STAC: variants seen among roughly 807,000 people sequenced by gnomAD.
STAC encodes the protein SH3 and cysteine rich domain, also known as SH3 and cysteine-rich domain-containing protein.
A neutral mutation model predicts 48.8 loss-of-function variants in STAC; 43 were observed. That is an observed-to-expected ratio of 0.88 (90% CI 0.69 to 1.14). The LOEUF (loss-of-function observed/expected upper bound fraction) is 1.14. Ranked by LOEUF, STAC falls within the 50% of genes most tolerant of loss-of-function variation. The pLI is 0.00. For synonymous variants in STAC, 193 were observed against 179.5 expected (o/e 1.07, Z -0.60); for missense variants, 497 against 504.0 (o/e 0.99, Z 0.13).
At chr3:36,460,829 C>T (rs1469520131) in intron 2 of STAC, among the ~76,000 whole-genome samples, 1 of 152,168 alleles carries the variant, frequency 6.6e-6, no homozygotes, top group Non-Finnish European at 1.5e-5. Context: ...TCAAAATTTT[C>T]AAATGTCTTT....
intron 8 of STAC, among the ~76,000 whole-genome samples, chr3:36,518,494 T>C (rs1698727239): frequency 6.6e-6 from 1 of 152,186 alleles, no homozygotes; most frequent in Non-Finnish European, 1.5e-5. Context: ...TATTAAATCC[T>C]AAAATAAATA....
chr3:36,421,376 T>C (rs1700444581), intron 1 of STAC, among the ~76,000 whole-genome samples: 1 of 152,212 alleles, frequency 6.6e-6, no homozygotes, highest in Non-Finnish European at 1.5e-5. Flanking sequence ...GCTTATTTCC[T>C]AAATAATCAT....
intron 1 of STAC, among the ~76,000 whole-genome samples, chr3:36,382,887 T>C (rs909744549): frequency 2.0e-5 from 3 of 152,226 alleles, no homozygotes. Flanking sequence ...GTAATATGCA[T>C]TCCATCTTAC....
At chr3:36,386,589 A>C (rs1699621345) in intron 1 of STAC, among the ~76,000 whole-genome samples, 2 of 151,970 alleles carry the variant, frequency 1.3e-5, no homozygotes, top group Non-Finnish European at 2.9e-5. Context: ...TTTGCCTTTC[A>C]CAGGTGGATT....
At chr3:36,453,844 C>T (rs2125677566) in intron 2 of STAC, among the ~76,000 whole-genome samples, 1 of 152,318 alleles carries the variant, frequency 6.6e-6, no homozygotes, top group East Asian at 1.9e-4. Flanking sequence ...CTGCATCTAG[C>T]TCAAGGTTTG....
chr3:36,469,808 A>G (rs1199238928), intron 2 of STAC, among the ~76,000 whole-genome samples: 1 of 151,654 alleles, frequency 6.6e-6, no homozygotes, highest in Non-Finnish European at 1.5e-5. Flanking sequence ...GGTTAATTCG[A>G]AAGCCTTGTC....
intron 2 of STAC, among the ~76,000 whole-genome samples, chr3:36,456,266 C>T (rs545151665): frequency 2.6e-4 from 40 of 152,220 alleles, no homozygotes; most frequent in African/African-American, 9.1e-4. Flanking sequence ...TGATGAAGGA[C>T]GATGAACGAG....
chr3:36,520,232 C>G (rs28551677), intron 8 of STAC, among the ~76,000 whole-genome samples: 15,570 of 152,114 alleles, frequency 0.1, 1,019 homozygotes, highest in East Asian at 0.27. Context: ...CCATAAGAAT[C>G]TCCTAAAAAA....
At chr3:36,517,738 T>C (rs980215475) in intron 8 of STAC, among the ~76,000 whole-genome samples, 16 of 152,320 alleles carry the variant, frequency 1.1e-4, no homozygotes, top group African/African-American at 3.8e-4. Context: ...GTTGTCATTA[T>C]TATCATATAC....
chr3:36,400,807 TTATTGCTTTGACCATAATTACGTGCA>T (rs1347200742), intron 1 of STAC, among the ~76,000 whole-genome samples: 6 of 152,194 alleles, frequency 3.9e-5, no homozygotes, highest in African/African-American at 1.4e-4. Context: ...TCCTATTTGT[TTATTGCTTTGACCATAATTACGTGCA>T]AGTGTTCTCT....
At chr3:36,545,648 T>G (rs369147964) in intron 10 of STAC, among the ~76,000 whole-genome samples, 5 of 152,238 alleles carry the variant, frequency 3.3e-5, no homozygotes, top group Admixed American at 6.5e-5. Flanking sequence ...CAACCCCTTT[T>G]TAAAGTCTAG....
intron 1 of STAC, among the ~76,000 whole-genome samples, chr3:36,384,995 A>T (rs528135818): frequency 3.2e-4 from 49 of 152,310 alleles, no homozygotes; most frequent in African/African-American, 1.2e-3. Flanking sequence ...TCAGGGAAGA[A>T]GATGAAAGAA....
chr3:36,538,351 CCCTTTATAGAAAAAGTTTGCCAAT>C (rs1699246527), intron 10 of STAC, among the ~76,000 whole-genome samples: 1 of 152,070 alleles, frequency 6.6e-6, no homozygotes, highest in Non-Finnish European at 1.5e-5. Context: ...TAGCATTTGG[CCCTTTATAGAAAAAGTTTGCCAAT>C]CCTTAGTCTA....
chr3:36,538,886 A>C (rs536212983), intron 10 of STAC, among the ~76,000 whole-genome samples: 2 of 152,254 alleles, frequency 1.3e-5, no homozygotes, highest in Non-Finnish European at 2.9e-5. Context: ...CATGTGACCA[A>C]TATTTTCTCT....
intron 1 of STAC, among the ~76,000 whole-genome samples, chr3:36,396,035 T>G (rs888096732): frequency 1.3e-5 from 2 of 152,312 alleles, no homozygotes; most frequent in East Asian, 3.9e-4. Flanking sequence ...ACCTCTGCGA[T>G]AGAGAAAACT....
At chr3:36,393,368 G>C (rs1699791610) in intron 1 of STAC, among the ~76,000 whole-genome samples, 1 of 151,976 alleles carries the variant, frequency 6.6e-6, no homozygotes, top group African/African-American at 2.4e-5. Context: ...CTCTGAACCG[G>C]TGCTTCTGGA....
intron 2 of STAC, among the ~76,000 whole-genome samples, chr3:36,480,872 G>C (rs1320400888): frequency 6.6e-6 from 1 of 152,180 alleles, no homozygotes; most frequent in Non-Finnish European, 1.5e-5. Context: ...GAATATCGAG[G>C]CAAATTAACA....
chr3:36,390,072 A>C (rs537048001), intron 1 of STAC, among the ~76,000 whole-genome samples: 1 of 152,156 alleles, frequency 6.6e-6, no homozygotes, highest in Non-Finnish European at 1.5e-5. Context: ...ACATGACTTA[A>C]CTTTAAATGC....
intron 1 of STAC, among the ~76,000 whole-genome samples, chr3:36,421,617 T>C (rs1466455969): frequency 2.0e-5 from 3 of 152,148 alleles, no homozygotes; most frequent in African/African-American, 7.2e-5. Context: ...TCTTATCTTG[T>C]TTTTGAACAG....
Sources: allele counts gnomAD v4.1 joint callset (sites outside exome capture counted in the v4.1 genomes callset), GRCh38; gene constraint gnomAD v4.1.1; transcripts MANE v1.5; gene names NCBI Gene and HGNC (gene_info 2026-07-23, HGNC 2026-07-21).